GTF2B: variants seen among roughly 807,000 people sequenced by gnomAD.
GTF2B encodes the protein general transcription factor IIB, also known as transcription initiation factor IIB.
Under a neutral mutation model 34.6 loss-of-function variants are expected in GTF2B, and 20 were observed. That is an observed-to-expected ratio of 0.58 (90% CI 0.41 to 0.84). The LOEUF (loss-of-function observed/expected upper bound fraction) is 0.84. GTF2B is among the 40% of genes least tolerant of loss of function. The probability of loss-of-function intolerance (pLI) is 0.00; values close to 1 mark genes in which losing one functional copy is unlikely to be tolerated. For synonymous variants in GTF2B, 142 were observed against 132.4 expected (o/e 1.07, Z -0.50); for missense variants, 237 against 393.3 (o/e 0.60, Z 3.36).
chr1:88,885,823 A>AT (rs764093400), intron 2 of GTF2B, among the ~76,000 whole-genome samples: 3 of 152,104 alleles, frequency 2.0e-5, no homozygotes, highest in East Asian at 1.9e-4. Context: ...ATTATTTTTG[A>AT]TTTTTTTTAA....
At chr1:88,862,626 C>G (rs1233381415) in intron 3 of GTF2B, among the ~76,000 whole-genome samples, 1 of 152,088 alleles carries the variant, frequency 6.6e-6, no homozygotes, top group Non-Finnish European at 1.5e-5. Flanking sequence ...GGCGGGAGGA[C>G]TGCTGAAGAC....
At chr1:88,883,457 A>G (rs1673990619) in intron 2 of GTF2B, among the ~76,000 whole-genome samples, 1 of 152,134 alleles carries the variant, frequency 6.6e-6, no homozygotes, top group African/African-American at 2.4e-5. Flanking sequence ...GCTCACACCT[A>G]TAATCCCAGC....
intron 2 of GTF2B, among the ~76,000 whole-genome samples, chr1:88,880,782 G>A (rs916283648): frequency 2.6e-5 from 4 of 152,020 alleles, no homozygotes; most frequent in Admixed American, 2.6e-4. Context: ...CGAGGCTGGG[G>A]GTATCTCTTT....
At chr1:88,881,800 C>T (rs149441040) in intron 2 of GTF2B, among the ~76,000 whole-genome samples, 1,619 of 152,182 alleles carry the variant, frequency 0.011, 25 homozygotes, top group African/African-American at 0.038. Flanking sequence ...GTGTTTGATA[C>T]TAGTAAGTCA....
At chr1:88,857,570 A>C (rs1380390972) in intron 5 of GTF2B, 83 bp from the exon 6 acceptor site, 1 of 686,774 alleles carries the variant, frequency 1.5e-6, no homozygotes, top group African/African-American at 1.8e-5. Context: ...TTATAAACAT[A>C]ATATACATTC....
intron 2 of GTF2B, among the ~76,000 whole-genome samples, chr1:88,885,154 C>T (rs1674034162): frequency 6.6e-6 from 1 of 152,080 alleles, no homozygotes; most frequent in African/African-American, 2.4e-5. Flanking sequence ...TTTATAGATA[C>T]CAGGCCAGGT....
At chr1:88,890,644 T>G (rs1024373178) in intron 1 of GTF2B, among the ~76,000 whole-genome samples, 1 of 152,202 alleles carries the variant, frequency 6.6e-6, no homozygotes, top group Non-Finnish European at 1.5e-5. Context: ...TTGGCATGAC[T>G]CAGTTTACAC....
chr1:88,856,973 G>A (rs929659840), intron 6 of GTF2B, among the ~76,000 whole-genome samples: 1 of 151,920 alleles, frequency 6.6e-6, no homozygotes, highest in African/African-American at 2.4e-5. Flanking sequence ...GCTAATTTTT[G>A]TATTTTTAGT....
At chr1:88,868,043 G>C (rs1570725009) in intron 2 of GTF2B, among the ~76,000 whole-genome samples, 1 of 152,200 alleles carries the variant, frequency 6.6e-6, no homozygotes, top group East Asian at 1.9e-4. Context: ...AGCAGATTAA[G>C]TGCATGAGTA....
intron 2 of GTF2B, among the ~76,000 whole-genome samples, chr1:88,885,097 C>A (rs1024230412): frequency 6.6e-6 from 1 of 152,188 alleles, no homozygotes; most frequent in African/African-American, 2.4e-5. Context: ...TGAAAAGAGT[C>A]ATATACACTA....
chr1:88,885,892 A>C (rs1674056139), intron 2 of GTF2B, among the ~76,000 whole-genome samples: 1 of 152,188 alleles, frequency 6.6e-6, no homozygotes, highest in South Asian at 2.1e-4. Context: ...TTGTACTTTG[A>C]CGACCCCAGA....
chr1:88,875,957 TCA>T (rs1350259954), intron 2 of GTF2B, among the ~76,000 whole-genome samples: 2 of 152,204 alleles, frequency 1.3e-5, no homozygotes, highest in Non-Finnish European at 2.9e-5. Context: ...ACTCTGAGTC[TCA>T]GTTTCCCCTT....
chr1:88,886,885 C>G (rs112964428), intron 2 of GTF2B, among the ~76,000 whole-genome samples: 2,863 of 151,856 alleles, frequency 0.019, 46 homozygotes, highest in South Asian at 0.042. Context: ...AGTTTGGAAA[C>G]TATGCAAAAG....
At chr1:88,880,054 T>A (rs1328955804) in intron 2 of GTF2B, among the ~76,000 whole-genome samples, 3 of 151,374 alleles carry the variant, frequency 2.0e-5, no homozygotes, top group African/African-American at 7.3e-5. Context: ...GCAAGACTCC[T>A]CCATCTCAAA....
chr1:88,882,364 A>C (rs1202061089), intron 2 of GTF2B, among the ~76,000 whole-genome samples: 1 of 151,106 alleles, frequency 6.6e-6, no homozygotes, highest in Admixed American at 6.6e-5. Flanking sequence ...AGAGCTAAGA[A>C]GCTGAAATTA....
At chr1:88,887,633 C>A in intron 1 of GTF2B, 2 of 376,478 alleles carry the variant, frequency 5.3e-6, no homozygotes, top group South Asian at 4.7e-5. Flanking sequence ...TTTCTTCTCT[C>A]AATATGTATG....
intron 3 of GTF2B, among the ~76,000 whole-genome samples, 161 bp from the exon 4 acceptor site, chr1:88,860,447 C>T (rs1673409865): frequency 6.6e-6 from 1 of 152,116 alleles, no homozygotes; most frequent in African/African-American, 2.4e-5. Flanking sequence ...ATTCTAACAA[C>T]TGTTCAAGAA....
At chr1:88,872,283 G>A (rs1279640252) in intron 2 of GTF2B, among the ~76,000 whole-genome samples, 2 of 151,336 alleles carry the variant, frequency 1.3e-5, no homozygotes, top group African/African-American at 4.9e-5. Context: ...GTGAAACCCG[G>A]TCTCTACTAA....
At chr1:88,885,835 C>T (rs1179921228) in intron 2 of GTF2B, among the ~76,000 whole-genome samples, 1 of 151,932 alleles carries the variant, frequency 6.6e-6, no homozygotes, top group Non-Finnish European at 1.5e-5. Context: ...TTTTTTTAAC[C>T]ATTTAAAAAT....
Sources: gnomAD v4.1 joint callset for allele counts (sites outside exome capture counted in the v4.1 genomes callset) on GRCh38, gnomAD v4.1.1 for gene constraint, MANE v1.5 for transcripts, NCBI Gene and HGNC (gene_info 2026-07-23, HGNC 2026-07-21) for gene names.